Variants in NFIB observed in about 807,000 individuals in gnomAD.
NFIB encodes nuclear factor I B, also known as nuclear factor 1 B-type.
Under a neutral mutation model 61.5 loss-of-function variants are expected in NFIB, and 11 were observed. The observed-to-expected ratio is 0.18, with a 90% CI of 0.11 to 0.30. NFIB has a LOEUF of 0.30. Among genes scored for constraint, NFIB ranks in the 10% least tolerant of loss-of-function variants. NFIB has a pLI of 1.00. For missense variants in NFIB, 471 were observed against 608.9 expected (o/e 0.77, Z 2.38); for synonymous variants, 260 against 216.5 (o/e 1.20, Z -1.76).
chr9:14,322,649 G>T (rs975096695), intron 1 of NFIB, among the ~76,000 whole-genome samples: 1 of 152,206 alleles, frequency 6.6e-6, no homozygotes, highest in African/African-American at 2.4e-5. Flanking sequence ...GCCTGGCGGC[G>T]GGAAGGAAAC....
At chr9:14,527,855 TAAATAA>T in the NFIB span, among the ~76,000 whole-genome samples, 1 of 152,206 alleles carries the variant, frequency 6.6e-6, no homozygotes, top group Non-Finnish European at 1.5e-5. Flanking sequence ...AATTTGAAAT[TAAATAA>T]ATATTGAATT....
chr9:14,407,932 C>T, the NFIB span, among the ~76,000 whole-genome samples: 1 of 152,164 alleles, frequency 6.6e-6, no homozygotes, highest in African/African-American at 2.4e-5. Context: ...AGTAATCCTC[C>T]CATCCTTGCC....
chr9:14,299,743 G>T (rs1214584478), intron 2 of NFIB, among the ~76,000 whole-genome samples: 1 of 152,152 alleles, frequency 6.6e-6, no homozygotes, highest in Non-Finnish European at 1.5e-5. Context: ...CATCAGTGCT[G>T]TCCTGTTTAA....
chr9:14,378,536 T>C (rs1031040754), intron 1 of NFIB, among the ~76,000 whole-genome samples: 1 of 152,176 alleles, frequency 6.6e-6, no homozygotes, highest in Non-Finnish European at 1.5e-5. Flanking sequence ...TTTGTATTTT[T>C]AGTAGAGACG....
chr9:14,125,012 T>G (rs1282852826), intron 7 of NFIB, among the ~76,000 whole-genome samples: 1 of 152,200 alleles, frequency 6.6e-6, no homozygotes, highest in Non-Finnish European at 1.5e-5. Flanking sequence ...ATCTTTCCCT[T>G]AGTAAAATAT....
At chr9:14,118,324 T>C (rs1203668639) in intron 8 of NFIB, among the ~76,000 whole-genome samples, 1 of 152,108 alleles carries the variant, frequency 6.6e-6, no homozygotes, top group African/African-American at 2.4e-5. Flanking sequence ...AGTACCTACC[T>C]GGAACAAAAT....
rs567352259 is a variant in NFIB, at chr9:14,084,384, G to T, written c.*3925C>A. ...ATTAAGAAGACCTTTCGCTCTTCTC[G>T]CTACTTGCAGCTTCACAGATTCATT... is the stretch of plus-strand genomic sequence containing the variant. On this transcript the variant is annotated 3_prime_UTR_variant, in exon 11 of 11. Coordinates refer to ENST00000380953, the MANE Select transcript of NFIB (RefSeq NM_001190737.2). The T allele has an allele frequency of 9.0e-6, 2 of 222,090 alleles. No homozygotes were observed. The highest frequency in any genetic ancestry group is 6.6e-5 in the East Asian group (1 of 15,186). 13.8% of individuals were successfully genotyped at this position (222,090 alleles called of 1,614,324 possible).
chr9:14,162,545 A>G (rs1342872956), intron 3 of NFIB, among the ~76,000 whole-genome samples: 1 of 152,028 alleles, frequency 6.6e-6, no homozygotes, highest in African/African-American at 2.4e-5. Flanking sequence ...AAATTTTTGT[A>G]TTTTATTTGT....
chr9:14,141,107 G>C (rs1381637619), intron 6 of NFIB, among the ~76,000 whole-genome samples: 1 of 152,132 alleles, frequency 6.6e-6, no homozygotes, highest in East Asian at 1.9e-4. Flanking sequence ...TATCCTTATA[G>C]AACTCTAGAA....
chr9:14,493,410 G>A, the NFIB span, among the ~76,000 whole-genome samples: 1 of 151,964 alleles, frequency 6.6e-6, no homozygotes, highest in Non-Finnish European at 1.5e-5. Context: ...TGTTAGAAAG[G>A]AAAAAGCATT....
intron 2 of NFIB, among the ~76,000 whole-genome samples, chr9:14,295,401 C>CAGGAGATGG (rs1445143433): frequency 6.6e-6 from 1 of 151,930 alleles, no homozygotes; most frequent in Non-Finnish European, 1.5e-5. Flanking sequence ...CCAAGGCGGG[C>CAGGAGATGG]AGATCACGAG....
At chr9:14,096,241 G>C (rs932589902) in intron 10 of NFIB, 1 of 152,062 alleles carries the variant, frequency 6.6e-6, no homozygotes, top group Admixed American at 6.6e-5. Context: ...TCACTACAAA[G>C]GGTTAATCAG....
rs142764167 is a variant in NFIB, at chr9:14,123,769, G to A, written c.1060+1863C>T. The stretch of plus-strand genomic sequence containing the variant: ...AGTTTGCCCCTCTTCCTCTTAGTTT[G>A]CCCCTCTGCCTCCCAGTTTGCCCCT... On this transcript the variant is annotated intron_variant, in intron 7 of 10. Transcript: ENST00000380953. Among the ~76,000 whole-genome samples the A allele has an allele frequency of 2.6e-4, 40 of 151,638 alleles. No individual in the cohort carries two copies. In the East Asian group the frequency reaches 7.8e-3, roughly 30 times the overall value.
At position 14,120,277 on chromosome 9, in the gene NFIB, C is replaced by T. The variant is rs2038751426; in HGVS notation, c.1245+163G>A. Among the ~76,000 whole-genome samples the T allele has an allele frequency of 6.6e-6, 1 of 152,184 alleles. No individual in the cohort carries two copies. The highest frequency in any genetic ancestry group is 1.5e-5 in the Non-Finnish European group (1 of 68,040). On this transcript the variant is annotated intron_variant, in intron 8 of 10. Coordinates refer to ENST00000380953, the MANE Select transcript of NFIB (RefSeq NM_001190737.2). This position sits in a 1 kb window ranked among gnomAD's most constrained non-coding sequence, Gnocchi z 4.4. Reference sequence around the variant, plus strand: ...ACACACTTCCTACCTGTCATTCAGCCACCTTTAAATAAAAACTTATTGAGT... The same window carrying T: ...ACACACTTCCTACCTGTCATTCAGCTACCTTTAAATAAAAACTTATTGAGT...
chr9:14,162,147 T>C (rs2044271332), intron 3 of NFIB, among the ~76,000 whole-genome samples: 1 of 152,132 alleles, frequency 6.6e-6, no homozygotes, highest in Admixed American at 6.6e-5. Context: ...ATTAAAAATA[T>C]ATAAAATAGA....
intron 10 of NFIB, among the ~76,000 whole-genome samples, chr9:14,108,896 T>G (rs891554481): frequency 6.6e-6 from 1 of 152,096 alleles, no homozygotes; most frequent in Non-Finnish European, 1.5e-5. Flanking sequence ...AATGGTGAAC[T>G]TTTATTTCTA....
the NFIB span, among the ~76,000 whole-genome samples, chr9:14,410,015 A>G: frequency 6.6e-6 from 1 of 152,154 alleles, no homozygotes; most frequent in Non-Finnish European, 1.5e-5. Context: ...ATACACTTGT[A>G]TCTTTAACAG....
intron 1 of NFIB, among the ~76,000 whole-genome samples, chr9:14,381,367 T>A (rs1489250490): frequency 6.6e-6 from 1 of 152,034 alleles, no homozygotes; most frequent in Non-Finnish European, 1.5e-5. Context: ...AATTTTTTAA[T>A]TTTTGTAGAG....
At chr9:14,236,025 G>A (rs966767767) in intron 2 of NFIB, among the ~76,000 whole-genome samples, 21 of 152,156 alleles carry the variant, frequency 1.4e-4, no homozygotes, top group Admixed American at 3.9e-4. Context: ...AGTATCAAGA[G>A]TGTACAGGAT....
Sources: allele counts gnomAD v4.1 joint callset (sites outside exome capture counted in the v4.1 genomes callset), GRCh38; gene constraint gnomAD v4.1.1; non-coding constraint Gnocchi (gnomAD v3.1); transcripts MANE v1.5; gene names NCBI Gene and HGNC (gene_info 2026-07-23, HGNC 2026-07-21).